BMERB1: variants seen among roughly 807,000 people sequenced by gnomAD.
The protein encoded by BMERB1 is bMERB domain-containing protein 1.
BMERB1 carries 12 observed loss-of-function variants against 23.6 expected under a neutral mutation model. That is an observed-to-expected ratio of 0.51 (90% CI 0.33 to 0.82). The LOEUF (loss-of-function observed/expected upper bound fraction) is 0.82. Ranked by LOEUF, BMERB1 falls within the 40% of genes least tolerant of loss-of-function variation. BMERB1 has a pLI of 0.03. For synonymous variants in BMERB1, 122 were observed against 96.6 expected, an observed-to-expected ratio of 1.26 and a Z score of -1.54; for missense variants, 247 against 255.4, an observed-to-expected ratio of 0.97 and a Z score of 0.22.
intron 2 of BMERB1, among the ~76,000 whole-genome samples, chr16:15,558,017 C>G (rs1448961012): frequency 6.6e-6 from 1 of 151,984 alleles, no homozygotes; most frequent in Middle Eastern, 3.2e-3. Flanking sequence ...GCACTCCAGC[C>G]TGGGCAACAG....
chr16:15,574,079 C>T (rs888504865), intron 3 of BMERB1, among the ~76,000 whole-genome samples: 3 of 150,078 alleles, frequency 2.0e-5, no homozygotes, highest in Admixed American at 6.7e-5. Flanking sequence ...ACTCACAGTT[C>T]GGCATAGCTG....
chr16:15,484,789 C>T (rs973797006), intron 1 of BMERB1, among the ~76,000 whole-genome samples: 1 of 152,192 alleles, frequency 6.6e-6, no homozygotes, highest in African/African-American at 2.4e-5. Flanking sequence ...GCTTTATGTA[C>T]ATTCACAGTC....
rs773392188 is a variant in BMERB1, at chr16:15,468,965, C to CTTT, written c.106+34224_106+34226dup. Among the ~76,000 whole-genome samples, 22 of 126,406 alleles carry CTTT rather than the reference C, an allele frequency of 1.7e-4. 2 individuals carry two copies. The highest frequency in any genetic ancestry group is 6.3e-4 in the African/African-American group (20 of 31,918). 82.9% of individuals were successfully genotyped at this position (126,406 alleles called of 152,430 possible). A position where few individuals can be genotyped will look rare whatever the true frequency, so the allele number is the denominator to read the frequency against. On this transcript the variant is annotated intron_variant, in intron 1 of 5. Transcript: ENST00000300006. The stretch of plus-strand genomic sequence containing the variant: ...CTTCCTCCAATAAATCATCTTCACA[C>CTTT]TTTTTTTTTTTTTTTTTTTTGAGAC...
At chr16:15,510,068 C>T (rs2051644110) in intron 1 of BMERB1, among the ~76,000 whole-genome samples, 1 of 152,182 alleles carries the variant, frequency 6.6e-6, no homozygotes, top group Admixed American at 6.5e-5. Context: ...ACCAAGGAGC[C>T]AGCAGGGGCT....
intron 3 of BMERB1, among the ~76,000 whole-genome samples, chr16:15,575,584 C>T (rs1221593488): frequency 6.6e-6 from 1 of 152,094 alleles, no homozygotes; most frequent in Non-Finnish European, 1.5e-5. Flanking sequence ...ACAAAATGCA[C>T]ACACAAACAA....
intron 2 of BMERB1, among the ~76,000 whole-genome samples, chr16:15,518,626 G>A (rs929656526): frequency 3.9e-5 from 6 of 152,140 alleles, no homozygotes; most frequent in Admixed American, 2.0e-4. Flanking sequence ...GGTTTTTCCC[G>A]AAGCTGTGGG....
At chr16:15,477,696 T>C (rs2051285687) in intron 1 of BMERB1, among the ~76,000 whole-genome samples, 1 of 150,812 alleles carries the variant, frequency 6.6e-6, no homozygotes, top group Non-Finnish European at 1.5e-5. Flanking sequence ...TCAGGGGAAC[T>C]GGCTTTTCTT....
chr16:15,518,000 G>A (rs1197823531), intron 2 of BMERB1, among the ~76,000 whole-genome samples: 1 of 150,442 alleles, frequency 6.6e-6, no homozygotes, highest in Non-Finnish European at 1.5e-5. Flanking sequence ...TGCATGTGTG[G>A]ATGTGTGTGT....
At chr16:15,527,705 G>T (rs1001078887) in intron 2 of BMERB1, among the ~76,000 whole-genome samples, 3 of 152,048 alleles carry the variant, frequency 2.0e-5, no homozygotes, top group African/African-American at 7.2e-5. Context: ...GGCAGGGGAA[G>T]GTACAGTATC....
chr16:15,457,801 G>T (rs1463707309), intron 1 of BMERB1, among the ~76,000 whole-genome samples: 1 of 152,156 alleles, frequency 6.6e-6, no homozygotes, highest in African/African-American at 2.4e-5. Context: ...AAATACCCAA[G>T]ATTGGGTAAT....
chr16:15,587,151 C>A lies in BMERB1; in HGVS notation c.*322C>A. 6.3e-6 allele frequency: 2 copies of A among 315,320 alleles called. No homozygotes were observed. The highest frequency in any genetic ancestry group is 6.0e-6 in the Non-Finnish European group (1 of 167,556). The allele number at this position is 315,320 out of a possible 1,614,324, so 19.5% of individuals were successfully genotyped here. The stretch of plus-strand genomic sequence containing the variant: ...TTCTCTCTAGCTGTATCTAACCCAC[C>A]GTGTGAATGAACTGGGAGAGGGGCA... On this transcript the variant is annotated 3_prime_UTR_variant, in exon 6 of 6. Transcript: ENST00000300006.
chr16:15,463,052 C>CAG (rs973349444), intron 1 of BMERB1, among the ~76,000 whole-genome samples: 1 of 151,794 alleles, frequency 6.6e-6, no homozygotes, highest in Non-Finnish European at 1.5e-5. Flanking sequence ...AATGATCTGT[C>CAG]AGAGAGAGAA....
At chr16:15,452,331 G>GGAGAGAGGGAGGGAGAGAGA (rs532543517) in intron 1 of BMERB1, among the ~76,000 whole-genome samples, 2 of 132,878 alleles carry the variant, frequency 1.5e-5, no homozygotes, top group Non-Finnish European at 3.1e-5. Flanking sequence ...AGGGAGGGAG[G>GGAGAGAGGGAGGGAGAGAGA]GAGAGAGAGA....
Position 15,520,362 on chromosome 16 carries a change from G to A in BMERB1, c.230+4934G>A, listed in dbSNP as rs567461381. Reference sequence around the variant, plus strand: ...TGCCCCCAGTCCCACACTTGGTCTTGTCTTGTTCTGCAATGTTGAATTGTG... The same window carrying A: ...TGCCCCCAGTCCCACACTTGGTCTTATCTTGTTCTGCAATGTTGAATTGTG... On this transcript the variant is annotated intron_variant, in intron 2 of 5. Coordinates refer to ENST00000300006, the MANE Select transcript of BMERB1 (RefSeq NM_033201.3). Among the ~76,000 whole-genome samples the A allele has an allele frequency of 1.7e-4, 26 of 151,890 alleles. No individual in the cohort carries two copies. In the South Asian group the frequency reaches 3.9e-3, roughly 23 times the overall value.
In BMERB1 at chr16:15,586,737, G is replaced by T; in HGVS notation, c.523G>T (p.Ala175Ser). The change falls in exon 6 of 6, where the codon GCA becomes TCA. Residue 175 changes from alanine to serine, a missense_variant. Transcript: ENST00000300006. ...SPASSRAEKK[A>S]EPPPSKPTVA... ...TGCAGGCTCCCGGGCAGAGAAGAAA[G>T]CAGAGCCCCCACCTAGCAAGCCCAC... The T allele has an allele frequency of 1.2e-6, 2 of 1,611,468 alleles. No individual in the cohort carries two copies. Among genetic ancestry groups the T allele is most frequent in the Non-Finnish European group, 1.7e-6 (2 of 1,179,216 alleles).
intron 2 of BMERB1, among the ~76,000 whole-genome samples, chr16:15,555,644 A>G (rs2030232906): frequency 1.3e-5 from 2 of 152,126 alleles, no homozygotes; most frequent in South Asian, 4.1e-4. Context: ...GAGAGAAAAC[A>G]GACATATTGG....
chr16:15,515,394 G>T lies in BMERB1; in HGVS notation c.196G>T (p.Val66Phe). The T allele has an allele frequency of 6.2e-7, 1 of 1,614,108 alleles. No individual in the cohort carries two copies. The highest frequency in any genetic ancestry group is 8.5e-7 in the Non-Finnish European group (1 of 1,180,022). The change falls in exon 2 of 6, where the codon GTC becomes TTC. Residue 66 changes from valine (V) to phenylalanine (F), a missense_variant. Coordinates refer to ENST00000300006, the MANE Select transcript of BMERB1 (RefSeq NM_033201.3). Reference protein sequence around the residue: ...EMAKIQRLREVLVRRESELRF... With the variant: ...EMAKIQRLREFLVRRESELRF... ...GGCAAAAATTCAGCGTCTCCGGGAAGTCTTGGTCCGCCGGGAGTCTGAGCT... is the reference window on the plus strand; with the variant it reads ...GGCAAAAATTCAGCGTCTCCGGGAATTCTTGGTCCGCCGGGAGTCTGAGCT...
At chr16:15,560,606 AC>A (rs2030389398) in intron 2 of BMERB1, among the ~76,000 whole-genome samples, 1 of 152,022 alleles carries the variant, frequency 6.6e-6, no homozygotes, top group South Asian at 2.1e-4. Flanking sequence ...AGCCTGGGCA[AC>A]ATGGCAAAAC....
At chr16:15,527,149 CTGTG>C (rs1036923193) in intron 2 of BMERB1, among the ~76,000 whole-genome samples, 42 of 152,124 alleles carry the variant, frequency 2.8e-4, no homozygotes, top group African/African-American at 8.7e-4. Flanking sequence ...AACATTCATA[CTGTG>C]TGTAACCATC....
Sources: gnomAD v4.1 joint callset for allele counts (sites outside exome capture counted in the v4.1 genomes callset) on GRCh38, gnomAD v4.1.1 for gene constraint, MANE v1.5 for transcripts, NCBI Gene and HGNC (gene_info 2026-07-23, HGNC 2026-07-21) for gene names.